FHIT: variants seen among roughly 807,000 people sequenced by gnomAD.
The protein encoded by FHIT is bis(5'-adenosyl)-triphosphatase.
Under a neutral mutation model 17.9 loss-of-function variants are expected in FHIT, and 19 were observed. That is an observed-to-expected ratio of 1.06 (90% CI 0.74 to 1.56). The LOEUF (loss-of-function observed/expected upper bound fraction) is 1.56. Ranked by LOEUF, FHIT falls within the 40% of genes most tolerant of loss-of-function variation. The pLI is 0.00. For synonymous variants in FHIT, 81 were observed against 69.7 expected (o/e 1.16, Z -0.81); for missense variants, 248 against 189.2 (o/e 1.31, Z -1.82).
intron 3 of FHIT, among the ~76,000 whole-genome samples, chr3:61,001,813 C>A (rs750688649): frequency 1.3e-5 from 2 of 152,120 alleles, no homozygotes; most frequent in Admixed American, 6.5e-5. Flanking sequence ...CAAATGAGTA[C>A]CTGCATAACT....
chr3:60,811,708 C>T (rs868987062), intron 4 of FHIT, among the ~76,000 whole-genome samples: 9 of 152,054 alleles, frequency 5.9e-5, no homozygotes, highest in Non-Finnish European at 8.8e-5. Flanking sequence ...GAAGCAAGTA[C>T]AGTGAAGCCA....
chr3:60,686,954 T>C (rs1301428643), intron 4 of FHIT, among the ~76,000 whole-genome samples: 3 of 152,202 alleles, frequency 2.0e-5, no homozygotes, highest in African/African-American at 7.2e-5. Context: ...TCAGAGAGTT[T>C]TGTTGTTGCT....
intron 4 of FHIT, among the ~76,000 whole-genome samples, chr3:60,611,343 T>C (rs1553673510): frequency 1.3e-5 from 2 of 152,166 alleles, no homozygotes; most frequent in African/African-American, 4.8e-5. Context: ...TCGAGCCAAG[T>C]ATCACAGAAA....
intron 2 of FHIT, among the ~76,000 whole-genome samples, chr3:61,063,321 G>T (rs2034494447): frequency 6.6e-6 from 1 of 151,552 alleles, no homozygotes; most frequent in Non-Finnish European, 1.5e-5. Context: ...CATCGGGTAG[G>T]TTCCATTATT....
intron 8 of FHIT, among the ~76,000 whole-genome samples, chr3:59,917,019 C>T (rs2107168558): frequency 6.6e-6 from 1 of 152,292 alleles, no homozygotes; most frequent in Middle Eastern, 3.4e-3. Context: ...AACTAGGGAC[C>T]CATGGACTCT....
At chr3:61,044,860 G>A (rs1052722349) in intron 2 of FHIT, among the ~76,000 whole-genome samples, 7 of 152,194 alleles carry the variant, frequency 4.6e-5, no homozygotes, top group Non-Finnish European at 7.3e-5. Context: ...TTTCAACCCA[G>A]AATTTCATAA....
chr3:61,209,361 C>T (rs1274460007), intron 1 of FHIT, among the ~76,000 whole-genome samples: 1 of 152,140 alleles, frequency 6.6e-6, no homozygotes, highest in African/African-American at 2.4e-5. Flanking sequence ...TGAATGTTGG[C>T]CTGCCTTGCT....
intron 5 of FHIT, among the ~76,000 whole-genome samples, chr3:60,337,391 T>C (rs17062785): frequency 0.043 from 6,570 of 152,254 alleles, 472 homozygotes; most frequent in African/African-American, 0.15. Flanking sequence ...GTGTTCTGAC[T>C]GTCTCCTCAT....
intron 2 of FHIT, among the ~76,000 whole-genome samples, chr3:61,141,172 CG>C: frequency 6.6e-6 from 1 of 151,598 alleles, no homozygotes; most frequent in East Asian, 1.9e-4. Context: ...TCTTTCAAGC[CG>C]ACTCTCGGGG....
chr3:59,983,582 T>C (rs151270614), intron 7 of FHIT, among the ~76,000 whole-genome samples: 4 of 152,242 alleles, frequency 2.6e-5, no homozygotes, highest in Non-Finnish European at 5.9e-5. Flanking sequence ...CAAACAGAAT[T>C]TGGTACCATC....
intron 4 of FHIT, among the ~76,000 whole-genome samples, chr3:60,804,157 CTT>C (rs1480328998): frequency 6.6e-6 from 1 of 152,218 alleles, no homozygotes; most frequent in African/African-American, 2.4e-5. Context: ...CTGAAAAACA[CTT>C]TTGTTTCATT....
chr3:60,450,515 C>G (rs890665436), intron 5 of FHIT, among the ~76,000 whole-genome samples: 1 of 151,988 alleles, frequency 6.6e-6, no homozygotes, highest in Admixed American at 6.6e-5. Context: ...GTCCATTAAG[C>G]CACTCCAGAG....
chr3:59,935,185 G>C (rs574749061), intron 7 of FHIT, among the ~76,000 whole-genome samples: 5 of 152,130 alleles, frequency 3.3e-5, no homozygotes, highest in Non-Finnish European at 5.9e-5. Context: ...CAGTGCCTTA[G>C]TAATGTCTCC....
intron 7 of FHIT, among the ~76,000 whole-genome samples, chr3:59,994,257 C>T (rs1013771620): frequency 2.0e-5 from 3 of 152,056 alleles, no homozygotes; most frequent in African/African-American, 7.2e-5. Flanking sequence ...AGTACTGTTA[C>T]CATCAATGCA....
intron 5 of FHIT, among the ~76,000 whole-genome samples, chr3:60,496,091 ATTC>A (rs1408741515): frequency 6.6e-6 from 1 of 152,146 alleles, no homozygotes; most frequent in Non-Finnish European, 1.5e-5. Context: ...CTGGGAATAT[ATTC>A]TTAAGGTACA....
intron 4 of FHIT, among the ~76,000 whole-genome samples, chr3:60,711,842 A>T (rs2107937380): frequency 6.6e-6 from 1 of 152,322 alleles, no homozygotes; most frequent in African/African-American, 2.4e-5. Context: ...AAGTTGGAAA[A>T]CACTCTGCAG....
intron 7 of FHIT, among the ~76,000 whole-genome samples, chr3:59,933,474 T>C (rs1303545176): frequency 1.3e-5 from 2 of 151,978 alleles, no homozygotes; most frequent in South Asian, 2.1e-4. Flanking sequence ...TGTTGTCTCC[T>C]TTTTTTTCAG....
intron 5 of FHIT, among the ~76,000 whole-genome samples, chr3:60,103,983 T>C (rs1462114031): frequency 6.6e-6 from 1 of 152,144 alleles, no homozygotes; most frequent in African/African-American, 2.4e-5. Flanking sequence ...AGGAAGTAAT[T>C]CCTATGCTCC....
chr3:60,326,701 G>A (rs960175695), intron 5 of FHIT, among the ~76,000 whole-genome samples: 10 of 152,110 alleles, frequency 6.6e-5, no homozygotes, highest in African/African-American at 1.7e-4. Context: ...AATGGACGAT[G>A]TCCCCTTAAC....
Sources: gnomAD v4.1 joint callset for allele counts (sites outside exome capture counted in the v4.1 genomes callset) on GRCh38, gnomAD v4.1.1 for gene constraint, MANE v1.5 for transcripts, NCBI Gene and HGNC (gene_info 2026-07-23, HGNC 2026-07-21) for gene names.